The following WDR62 variants were observed in gnomAD, a reference collection of about 807,000 sequenced individuals.
The protein encoded by WDR62 is WD repeat domain 62.
In WDR62, 112 loss-of-function variants were observed where a neutral mutation model predicts 160.6. The ratio of observed to expected loss-of-function variants is 0.70; its 90% confidence interval spans 0.60 to 0.82. The LOEUF is 0.82. Ranked by LOEUF, WDR62 falls within the 40% of genes least tolerant of loss-of-function variation. WDR62 has a pLI of 0.00. For synonymous variants in WDR62, 792 were observed against 815.1 expected (o/e 0.97, Z 0.48); for missense variants, 1,819 against 1,983.8 (o/e 0.92, Z 1.58).
chr19:36,068,503 G>A (rs963786456), intron 7 of WDR62, among the ~76,000 whole-genome samples: 4 of 152,208 alleles, frequency 2.6e-5, no homozygotes, highest in Non-Finnish European at 5.9e-5. Context: ...AGGACCCTGC[G>A]GGCTTCCGCA....
intron 24 of WDR62, 41 bp downstream of exon 24, chr19:36,101,358 G>A (rs370072228): frequency 6.5e-6 from 10 of 1,538,140 alleles, no homozygotes; most frequent in East Asian, 2.3e-5. Context: ...CAGTCTGTGC[G>A]TTCAGCCAAG....
intron 3 of WDR62, among the ~76,000 whole-genome samples, chr19:36,064,407 C>A (rs905171224): frequency 7.9e-5 from 12 of 151,908 alleles, no homozygotes; most frequent in African/African-American, 2.9e-4. Context: ...TCCCAAGTAG[C>A]TGGGACTACA....
chr19:36,092,887 GT>G, intron 19 of WDR62, 76 bp downstream of exon 19: 1 of 1,610,052 alleles, frequency 6.2e-7, no homozygotes, highest in Non-Finnish European at 8.5e-7. Flanking sequence ...TGGGGACACA[GT>G]GGTGGCCAAG....
At position 36,089,157 on chromosome 19, in the gene WDR62, T is replaced by C. The variant is rs1443871674; in HGVS notation, c.1837-28T>C. 5 of 1,613,004 alleles carry C rather than the reference T, an allele frequency of 3.1e-6. No homozygotes were observed. The Admixed American group carries it at 8.4e-5, about 27-fold the overall frequency. On this transcript the variant is annotated intron_variant, in intron 14 of 31. Coordinates refer to ENST00000401500, the MANE Select transcript of WDR62 (RefSeq NM_001083961.2). ...CTGGGGTGGGGGGTTGTCGGGGCAT[T>C]CTCTGAAGGTCCTGCCGGCCCTGCC...
intron 21 of WDR62, among the ~76,000 whole-genome samples, chr19:36,098,216 C>G (rs1212903219): frequency 6.6e-6 from 1 of 151,434 alleles, no homozygotes; most frequent in South Asian, 2.1e-4. Flanking sequence ...CTGCAGTGAT[C>G]GTGCTACTGC....
intron 9 of WDR62, among the ~76,000 whole-genome samples, chr19:36,076,254 A>G (rs1042600168): frequency 6.6e-6 from 1 of 151,968 alleles, no homozygotes. Flanking sequence ...CATTTCTCGA[A>G]AAGACCATGT....
At position 36,090,149 on chromosome 19, in the gene WDR62, A is replaced by T. The variant is rs536584034; in HGVS notation, c.1959-296A>T. ...GTGGAGGAGCGAGCCAGGGGGAGGC[A>T]GAGAGTGAGTGTGCAGAGGGCAAAG... On this transcript the variant is annotated intron_variant, in intron 15 of 31. Coordinates refer to ENST00000401500, the MANE Select transcript of WDR62 (RefSeq NM_001083961.2). Among the ~76,000 whole-genome samples the T allele has an allele frequency of 3.3e-5, 5 of 152,300 alleles. No homozygotes were observed. In the South Asian group the frequency reaches 1.0e-3, roughly 32 times the overall value.
At chr19:36,081,626 C>T in intron 10 of WDR62, 56 bp downstream of exon 10, 1 of 1,612,492 alleles carries the variant, frequency 6.2e-7, no homozygotes, top group East Asian at 2.2e-5. Context: ...CTACTGTAAG[C>T]TTGAATGCAG....
chr19:36,092,756 G>T lies in WDR62; in HGVS notation c.2278G>T (p.Asp760Tyr). ...CATGAAGCAGCACTTGCTGGAGATT[G>T]ACCACCGGCAGCAGCAGCAGCACAC... ...NCMKQHLLEI[D>Y]HRQQQQHTND... Residue 760 changes from aspartate (D) to tyrosine (Y), a missense_variant, in exon 19 of 32, where the codon GAC becomes TAC. Physicochemically the swap from Asp to Tyr is radical, Grantham distance 160. This residue lies in a region of WDR62 where 934 missense variants were observed against 1,157.2 expected (regional missense o/e 0.81). Transcript: ENST00000401500. The T allele has an allele frequency of 6.2e-7, 1 of 1,614,144 alleles. No homozygotes were observed. Among genetic ancestry groups the T allele is most frequent in the South Asian group, 1.1e-5 (1 of 91,062 alleles).
intron 9 of WDR62, among the ~76,000 whole-genome samples, chr19:36,076,178 C>T (rs951132038): frequency 1.3e-5 from 2 of 152,160 alleles, no homozygotes; most frequent in Non-Finnish European, 2.9e-5. Context: ...AGCCACCTTG[C>T]TGCCTGGGAT....
intron 21 of WDR62, 74 bp downstream of exon 21, chr19:36,097,153 C>G (rs1397564452): frequency 1.4e-6 from 2 of 1,451,174 alleles, no homozygotes; most frequent in Non-Finnish European, 1.9e-6. Context: ...TCTGGAAGCC[C>G]TTTTTCCTTT....
chr19:36,073,811 G>C, intron 9 of WDR62: 1 of 488,240 alleles, frequency 2.0e-6, no homozygotes, highest in South Asian at 1.6e-5. Context: ...GGGAATGCAG[G>C]TGGTATTCTA....
At chr19:36,084,612 G>T in intron 11 of WDR62, 41 bp from the exon 12 acceptor site, 2 of 1,595,348 alleles carry the variant, frequency 1.3e-6, no homozygotes, top group Non-Finnish European at 8.6e-7. Context: ...AGCACATGGG[G>T]CTGGGGTGTG....
intron 13 of WDR62, among the ~76,000 whole-genome samples, chr19:36,087,714 G>A (rs536817091): frequency 6.6e-6 from 1 of 152,290 alleles, no homozygotes; most frequent in South Asian, 2.1e-4. Context: ...AGCTACTTGG[G>A]AGGCTGAGGC....
chr19:36,101,950 C>T lies in WDR62; in HGVS notation c.3083-64C>T. On this transcript the variant is annotated intron_variant, in intron 25 of 31. Transcript: ENST00000401500. ...TGGGTGGGGCCCGCTTTCTCCATTT[C>T]AGGTGGCGTCTGCTGTGACTCATGG... 4 of 1,611,050 alleles carry T rather than the reference C, an allele frequency of 2.5e-6. 1 individual carries two copies. In the South Asian group the frequency reaches 3.3e-5, roughly 13 times the overall value.
intron 20 of WDR62, among the ~76,000 whole-genome samples, chr19:36,094,584 A>T (rs933881823): frequency 2.6e-5 from 4 of 150,998 alleles, no homozygotes; most frequent in Non-Finnish European, 5.9e-5. Flanking sequence ...TAATATAAAT[A>T]AAATAAATAA....
In WDR62 at chr19:36,104,580, G is replaced by C. The variant is rs566214361; in HGVS notation, c.4216G>C (p.Ala1406Pro). Residue 1406 changes from alanine (A) to proline (P), a missense_variant, in exon 31 of 32, where the codon GCC (alanine) becomes CCC (proline). Coordinates refer to ENST00000401500, the MANE Select transcript of WDR62 (RefSeq NM_001083961.2). ...GAGTGAGCCCTGGGTGCCGGTTGAA[G>C]CCCTGCCCCCATCTCCCCTTGAGCT... ...RWSEPWVPVE[A>P]LPPSPLELSR... is the part of the protein sequence containing the mutation. The C allele has an allele frequency of 6.2e-7, 1 of 1,613,872 alleles. No individual in the cohort carries two copies. The highest frequency in any genetic ancestry group is 8.5e-7 in the Non-Finnish European group (1 of 1,179,978).
At chr19:36,084,560 T>C (rs748916511) in intron 11 of WDR62, 93 bp from the exon 12 acceptor site, 16 of 1,204,896 alleles carry the variant, frequency 1.3e-5, no homozygotes, top group Non-Finnish European at 1.8e-5. Flanking sequence ...GGGTTCTCAT[T>C]GTTGGTGGCC....
chr19:36,075,441 G>A (rs761915934), intron 9 of WDR62: 7 of 148,814 alleles, frequency 4.7e-5, no homozygotes, highest in Non-Finnish European at 8.9e-5. Context: ...ATCAATTATT[G>A]TTAGCAGCTT....
Sources: gnomAD v4.1 joint callset for allele counts (sites outside exome capture counted in the v4.1 genomes callset) on GRCh38, gnomAD v4.1.1 for gene constraint, gnomAD v4.1.1 regional missense constraint, MANE v1.5 for transcripts, NCBI Gene and HGNC (gene_info 2026-07-23, HGNC 2026-07-21) for gene names.